Variants in OPCML observed in about 807,000 individuals in gnomAD.
OPCML encodes the protein opioid binding protein/cell adhesion molecule like.
In OPCML, 13 loss-of-function variants were observed where a neutral mutation model predicts 37.8. The observed-to-expected ratio is 0.34, with a 90% CI of 0.22 to 0.55. The LOEUF (loss-of-function observed/expected upper bound fraction) is 0.55, where lower values mean the gene tolerates loss of function less well. OPCML is among the 20% of genes least tolerant of loss of function. The probability of loss-of-function intolerance (pLI) is 0.91; values close to 1 mark genes in which losing one functional copy is unlikely to be tolerated. For synonymous variants in OPCML, 176 were observed against 168.8 expected, an observed-to-expected ratio of 1.04 and a Z score of -0.33; for missense variants, 341 against 435.6, an observed-to-expected ratio of 0.78 and a Z score of 1.93.
At chr11:133,319,694 G>A (rs1442082885) in intron 1 of OPCML, among the ~76,000 whole-genome samples, 1 of 152,198 alleles carries the variant, frequency 6.6e-6, no homozygotes, top group Non-Finnish European at 1.5e-5. Flanking sequence ...AACTGGCTGA[G>A]TGTTAACTCA....
chr11:133,058,984 A>G (rs887323564), intron 1 of OPCML, among the ~76,000 whole-genome samples: 1 of 152,196 alleles, frequency 6.6e-6, no homozygotes, highest in Non-Finnish European at 1.5e-5. Flanking sequence ...TTCCAGGGAA[A>G]CTTTGCTCTA....
At position 132,437,285 on chromosome 11, in the gene OPCML, C is replaced by G. The variant is rs148167692; in HGVS notation, c.580G>C (p.Glu194Gln). 1 of 1,614,200 alleles carries G rather than the reference C, an allele frequency of 6.2e-7. No homozygotes were observed. Among genetic ancestry groups the G allele is most frequent in the Non-Finnish European group, 8.5e-7 (1 of 1,180,038 alleles). ...GCGACATCGTTCAACGCGCTGCATT[C>G]GTACTCCCCGGACTGGTCTCGCTTG... The part of the protein sequence containing the change: ...DIKRDQSGEY[E>Q]CSALNDVAAP... The change falls in exon 5 of 8, where the codon GAA (glutamate) becomes CAA (glutamine). Residue 194 changes from glutamate to glutamine, a missense_variant. Glu to Gln is a conservative substitution (Grantham distance 29, BLOSUM62 2). Transcript: ENST00000524381.
At chr11:133,123,657 T>G (rs1176871026) in intron 1 of OPCML, among the ~76,000 whole-genome samples, 1 of 151,526 alleles carries the variant, frequency 6.6e-6, no homozygotes, top group East Asian at 1.9e-4. Context: ...TCTTGGAGAG[T>G]TCTTTAAAAA....
chr11:133,183,616 A>C (rs557663510), intron 1 of OPCML, among the ~76,000 whole-genome samples: 1 of 152,216 alleles, frequency 6.6e-6, no homozygotes, highest in Middle Eastern at 3.4e-3. Context: ...ATGCTACCTA[A>C]ATTTTCGAGA....
chr11:133,514,096 CAA>C (rs1309773380), intron 1 of OPCML, among the ~76,000 whole-genome samples: 2 of 152,156 alleles, frequency 1.3e-5, no homozygotes, highest in African/African-American at 4.8e-5. Flanking sequence ...GAAACGAAAA[CAA>C]AGACACCCCA....
At chr11:132,998,865 G>A (rs570036714) in intron 1 of OPCML, among the ~76,000 whole-genome samples, 2 of 152,296 alleles carry the variant, frequency 1.3e-5, no homozygotes, top group South Asian at 4.2e-4. Flanking sequence ...TGGGGAGTGG[G>A]TTTCCAGCCT....
chr11:132,494,637 A>G (rs1482665350), intron 4 of OPCML, among the ~76,000 whole-genome samples: 1 of 152,226 alleles, frequency 6.6e-6, no homozygotes, highest in Non-Finnish European at 1.5e-5. Context: ...GAACTCTAGA[A>G]TTTTTATCTT....
intron 7 of OPCML, among the ~76,000 whole-genome samples, chr11:132,427,701 T>A (rs3824871): frequency 0.29 from 43,855 of 152,130 alleles, 6,434 homozygotes; most frequent in Non-Finnish European, 0.31. Context: ...ACTTGAGTCT[T>A]TGTTGAACCA....
intron 1 of OPCML, among the ~76,000 whole-genome samples, chr11:133,204,711 CAGG>C (rs1477034511): frequency 6.6e-6 from 1 of 151,888 alleles, no homozygotes; most frequent in African/African-American, 2.4e-5. Flanking sequence ...TGGTGAGTAA[CAGG>C]CTAGGGACAG....
intron 1 of OPCML, among the ~76,000 whole-genome samples, chr11:133,025,726 A>ATTTTTTTT (rs869296316): frequency 3.3e-5 from 3 of 91,340 alleles, no homozygotes; most frequent in Non-Finnish European, 4.1e-5. Context: ...TGCCGATTTG[A>ATTTTTTTT]TTTTTTTTTT....
At position 133,173,638 on chromosome 11, in the gene OPCML, C is replaced by G. The variant is rs140548616; in HGVS notation, c.62-230628G>C. 1.2e-4 allele frequency among the ~76,000 whole-genome samples: 18 copies of G among 152,212 alleles called. No homozygotes were observed. The highest frequency in any genetic ancestry group is 6.8e-3 in the Middle Eastern group (2 of 294). ...CTCTCATTGCAAAAATTAGCAGTAA[C>G]GCGATGAGGCTAACGTAAGGGTAGA... On this transcript the variant is annotated intron_variant, in intron 1 of 7. Transcript: ENST00000524381. The surrounding 1 kb of genome is among the most constrained non-coding windows in gnomAD (Gnocchi z 7.8).
intron 1 of OPCML, among the ~76,000 whole-genome samples, chr11:133,490,351 T>G (rs975155584): frequency 6.6e-6 from 1 of 152,244 alleles, no homozygotes; most frequent in African/African-American, 2.4e-5. Context: ...GTGAGTTCTT[T>G]GTATTTTACA....
chr11:132,501,674 T>A (rs2096245960), intron 4 of OPCML, among the ~76,000 whole-genome samples: 1 of 152,220 alleles, frequency 6.6e-6, no homozygotes, highest in Non-Finnish European at 1.5e-5. Context: ...GGGCTATGCT[T>A]CTCACCTTCT....
At chr11:133,279,193 T>G (rs1371517759) in intron 1 of OPCML, among the ~76,000 whole-genome samples, 1 of 152,206 alleles carries the variant, frequency 6.6e-6, no homozygotes, top group Non-Finnish European at 1.5e-5. Context: ...TTGAATGCAT[T>G]CACACAGATA....
chr11:133,069,331 CAG>C (rs1276809289), intron 1 of OPCML, among the ~76,000 whole-genome samples: 1 of 152,094 alleles, frequency 6.6e-6, no homozygotes, highest in Non-Finnish European at 1.5e-5. Flanking sequence ...ATTTAAGTGA[CAG>C]AATGCAAACT....
At chr11:132,709,293 T>A (rs1382281115) in intron 2 of OPCML, among the ~76,000 whole-genome samples, 1 of 152,198 alleles carries the variant, frequency 6.6e-6, no homozygotes, top group African/African-American at 2.4e-5. Flanking sequence ...TTGAAATATT[T>A]TAGATTTATA....
At chr11:132,644,384 G>A (rs147779477) in intron 3 of OPCML, among the ~76,000 whole-genome samples, 29 of 152,236 alleles carry the variant, frequency 1.9e-4, no homozygotes, top group African/African-American at 6.0e-4. Flanking sequence ...CGGACTCCCA[G>A]GGGACGCATG....
chr11:132,869,557 T>C (rs1942714787), intron 2 of OPCML, among the ~76,000 whole-genome samples: 1 of 152,178 alleles, frequency 6.6e-6, no homozygotes, highest in Non-Finnish European at 1.5e-5. Flanking sequence ...GAACCTTTTT[T>C]CCTTAAACAC....
chr11:132,510,175 T>A (rs573513457), intron 4 of OPCML, among the ~76,000 whole-genome samples: 1 of 152,234 alleles, frequency 6.6e-6, no homozygotes, highest in East Asian at 1.9e-4. Context: ...TGTAATCCCT[T>A]TGTTTTGGCC....
Sources: gnomAD v4.1 joint callset for allele counts (sites outside exome capture counted in the v4.1 genomes callset) on GRCh38, gnomAD v4.1.1 for gene constraint, Gnocchi (gnomAD v3.1) non-coding constraint, MANE v1.5 for transcripts, NCBI Gene and HGNC (gene_info 2026-07-23, HGNC 2026-07-21) for gene names.